Variants in DENND5B observed in about 807,000 individuals in gnomAD.
The protein encoded by DENND5B is DENN domain-containing protein 5B.
DENND5B carries 34 observed loss-of-function variants against 140.6 expected under a neutral mutation model. The ratio of observed to expected loss-of-function variants is 0.24; its 90% CI spans 0.18 to 0.32. DENND5B has a LOEUF of 0.32. DENND5B is among the 10% of genes least tolerant of loss of function. DENND5B has a pLI of 1.00. For missense variants in DENND5B, 1,142 were observed against 1,560.2 expected, an observed-to-expected ratio of 0.73 and a Z score of 4.52; for synonymous variants, 551 against 562.1, an observed-to-expected ratio of 0.98 and a Z score of 0.28.
At chr12:31,535,498 G>T (rs1376804855) in intron 1 of DENND5B, among the ~76,000 whole-genome samples, 2 of 152,120 alleles carry the variant, frequency 1.3e-5, no homozygotes, top group African/African-American at 4.8e-5. Context: ...AAGAGAACCA[G>T]AGTCTCTGCC....
chr12:31,398,950 C>A (rs987566986), intron 16 of DENND5B, among the ~76,000 whole-genome samples: 1 of 151,390 alleles, frequency 6.6e-6, no homozygotes, highest in African/African-American at 2.4e-5. Flanking sequence ...AGCAAAACCC[C>A]ATCTCTACTA....
At chr12:31,447,012 C>T (rs1265599849) in intron 6 of DENND5B, among the ~76,000 whole-genome samples, 1 of 152,052 alleles carries the variant, frequency 6.6e-6, no homozygotes, top group Non-Finnish European at 1.5e-5. Flanking sequence ...TGGCTCACAC[C>T]TGTAATCCCA....
At chr12:31,467,974 C>T (rs979385666) in intron 3 of DENND5B, among the ~76,000 whole-genome samples, 6 of 151,942 alleles carry the variant, frequency 3.9e-5, no homozygotes, top group African/African-American at 1.2e-4. Context: ...TTAGAACTAG[C>T]CAGGTATGAT....
intron 1 of DENND5B, among the ~76,000 whole-genome samples, chr12:31,549,924 G>A (rs954678207): frequency 4.6e-5 from 7 of 152,024 alleles, no homozygotes; most frequent in African/African-American, 1.7e-4. Flanking sequence ...ATGAACATAC[G>A]CATGCATGCA....
chr12:31,584,831 C>A (rs12371045), intron 1 of DENND5B, among the ~76,000 whole-genome samples: 1 of 142,636 alleles, frequency 7.0e-6, no homozygotes, highest in Admixed American at 7.0e-5. Context: ...CCACACCCCC[C>A]ACCCACCCTC....
At chr12:31,582,630 C>A (rs979776246) in intron 1 of DENND5B, among the ~76,000 whole-genome samples, 1 of 152,042 alleles carries the variant, frequency 6.6e-6, no homozygotes, top group Non-Finnish European at 1.5e-5. Flanking sequence ...AAATCTAAAT[C>A]TGTGATGAAT....
intron 13 of DENND5B, 37 bp from the exon 14 acceptor site, chr12:31,409,421 C>CAA (rs773035565): frequency 1.2e-6 from 1 of 834,486 alleles, no homozygotes. Flanking sequence ...ACAGTAGTAT[C>CAA]AAAGAAAAAA....
At chr12:31,517,262 C>T (rs761036480) in intron 1 of DENND5B, among the ~76,000 whole-genome samples, 3 of 152,208 alleles carry the variant, frequency 2.0e-5, no homozygotes, top group Admixed American at 6.5e-5. Context: ...TTTCTCTAAG[C>T]CCTACCCACT....
rs1298127980 is a variant in DENND5B at position 31,409,357 on chromosome 12, T to C, written c.2709A>G (p.Leu903=). Residue 903 remains leucine, a synonymous_variant, in exon 14 of 21, where the codon CTA becomes CTG. Coordinates refer to ENST00000389082, the MANE Select transcript of DENND5B (RefSeq NM_144973.4). ...ACTGCTCTCTTTCTTCTTCGCAACG[T>C]AGAAAAGCATATCGCTTATAAAGCT... The part of the protein sequence containing the change: ...TKKLYKRYAF[L]RCEEEREQFL... The C allele has an allele frequency of 1.3e-6, 2 of 1,552,956 alleles. No homozygotes were observed. Among genetic ancestry groups the C allele is most frequent in the Non-Finnish European group, 8.7e-7 (1 of 1,150,674 alleles).
At chr12:31,557,609 G>A (rs1046651699) in intron 1 of DENND5B, among the ~76,000 whole-genome samples, 11 of 151,844 alleles carry the variant, frequency 7.2e-5, no homozygotes, top group Admixed American at 2.6e-4. Context: ...CTCGAACTTT[G>A]TTTTTAAAGG....
chr12:31,571,214 G>A (rs1949810610), intron 1 of DENND5B, among the ~76,000 whole-genome samples: 1 of 152,148 alleles, frequency 6.6e-6, no homozygotes, highest in Admixed American at 6.5e-5. Flanking sequence ...TCCATCAGAG[G>A]TTTCTTATAC....
chr12:31,501,006 G>A (rs1946982414), intron 1 of DENND5B, among the ~76,000 whole-genome samples: 1 of 152,162 alleles, frequency 6.6e-6, no homozygotes, highest in Non-Finnish European at 1.5e-5. Flanking sequence ...ATGAAAGTCT[G>A]AGATTCTGTC....
intron 4 of DENND5B, 64 bp from the exon 5 acceptor site, chr12:31,452,540 T>G: frequency 4.1e-6 from 6 of 1,479,494 alleles, no homozygotes; most frequent in Non-Finnish European, 5.4e-6. Context: ...AACATATTCT[T>G]GCCAGCCAGC....
At chr12:31,404,329 CTCTGT>C (rs1226414014) in intron 14 of DENND5B, among the ~76,000 whole-genome samples, 3 of 152,196 alleles carry the variant, frequency 2.0e-5, no homozygotes, top group Admixed American at 2.0e-4. Flanking sequence ...CAGGATGTAG[CTCTGT>C]CGCCCAGTCT....
At position 31,447,651 on chromosome 12, in the gene DENND5B, T is replaced by A; in HGVS notation, c.1748A>T (p.Asp583Val). 6.2e-7 allele frequency: 1 copy of A among 1,613,860 alleles called. No individual in the cohort carries two copies. The highest frequency in any genetic ancestry group is 1.1e-5 in the South Asian group (1 of 91,052). ...AGTGTCAAAGACCCGAAGCAAAGGA[T>A]CTTTCTCTTCCCACTGAGACATAAT... ...NKIMSQWEEK[D>V]PLLRVFDTRI... The change falls in exon 6 of 21, where the codon GAT becomes GTT. Residue 583 changes from aspartate to valine, a missense_variant. Transcript: ENST00000389082.
intron 1 of DENND5B, chr12:31,540,832 A>G (rs1948661774): frequency 4.7e-6 from 1 of 214,020 alleles, no homozygotes; most frequent in African/African-American, 2.3e-5. Flanking sequence ...AAACAGGATG[A>G]TACTGGCATA....
At chr12:31,406,544 T>C (rs1942134931) in intron 14 of DENND5B, among the ~76,000 whole-genome samples, 1 of 152,106 alleles carries the variant, frequency 6.6e-6, no homozygotes, top group South Asian at 2.1e-4. Flanking sequence ...GTTAAGACTT[T>C]ATTTTAGGTG....
At chr12:31,542,628 T>C (rs1273810887) in intron 1 of DENND5B, among the ~76,000 whole-genome samples, 1 of 152,144 alleles carries the variant, frequency 6.6e-6, no homozygotes, top group African/African-American at 2.4e-5. Context: ...CCCATAAATA[T>C]ATACATCTGC....
At chr12:31,418,204 T>C (rs1443853124) in intron 11 of DENND5B, among the ~76,000 whole-genome samples, 1 of 152,006 alleles carries the variant, frequency 6.6e-6, no homozygotes, top group East Asian at 1.9e-4. Flanking sequence ...CAAGAGGTAA[T>C]AAATGCTGAA....
Sources: allele counts gnomAD v4.1 joint callset (sites outside exome capture counted in the v4.1 genomes callset), GRCh38; gene constraint gnomAD v4.1.1; transcripts MANE v1.5; gene names NCBI Gene and HGNC (gene_info 2026-07-23, HGNC 2026-07-21).